Variants in THSD4 observed in about 807,000 individuals in gnomAD.
THSD4 encodes thrombospondin type 1 domain containing 4.
In THSD4, 69 loss-of-function variants were observed where a neutral mutation model predicts 119.0. The observed-to-expected ratio is 0.58, with a 90% CI of 0.48 to 0.71. The LOEUF is 0.71. Ranked by LOEUF, THSD4 falls within the 30% of genes least tolerant of loss-of-function variation. The probability of loss-of-function intolerance (pLI) is 0.00; values close to 1 mark genes in which losing one functional copy is unlikely to be tolerated. For missense variants in THSD4, 1,393 were observed against 1,391.1 expected, an observed-to-expected ratio of 1.00 and a Z score of -0.02; for synonymous variants, 524 against 540.4, an observed-to-expected ratio of 0.97 and a Z score of 0.42.
chr15:71,718,856 T>C (rs1356161261), intron 8 of THSD4, among the ~76,000 whole-genome samples: 4 of 152,218 alleles, frequency 2.6e-5, no homozygotes, highest in Non-Finnish European at 5.9e-5. Flanking sequence ...CTGCATCTCG[T>C]GGAAATTTTA....
chr15:71,511,075 G>A (rs940108833), intron 7 of THSD4, among the ~76,000 whole-genome samples: 1 of 151,774 alleles, frequency 6.6e-6, no homozygotes, highest in Non-Finnish European at 1.5e-5. Flanking sequence ...GGAGAAGTCT[G>A]AGTACAGAGC....
intron 7 of THSD4, among the ~76,000 whole-genome samples, chr15:71,531,577 G>T (rs965965607): frequency 1.3e-5 from 2 of 152,234 alleles, no homozygotes; most frequent in Non-Finnish European, 2.9e-5. Flanking sequence ...CTGCAGACTT[G>T]TCATGTGATC....
chr15:71,466,072 G>A (rs776140174), intron 7 of THSD4, among the ~76,000 whole-genome samples: 22 of 152,124 alleles, frequency 1.4e-4, no homozygotes, highest in East Asian at 5.8e-4. Context: ...AATAGAGGCC[G>A]GGCGCAGTGG....
intron 7 of THSD4, among the ~76,000 whole-genome samples, chr15:71,451,343 G>C (rs1416696119): frequency 6.6e-6 from 1 of 152,190 alleles, no homozygotes; most frequent in Non-Finnish European, 1.5e-5. Context: ...TGATTGTCTG[G>C]ACTGGGATCA....
intron 2 of THSD4, among the ~76,000 whole-genome samples, chr15:71,142,914 A>G (rs901172379): frequency 6.6e-6 from 1 of 152,232 alleles, no homozygotes; most frequent in Non-Finnish European, 1.5e-5. Context: ...ATTACATATG[A>G]TGGTGCCACA....
chr15:71,745,374 T>C, intron 12 of THSD4, 139 bp downstream of exon 12: 1 of 1,172,872 alleles, frequency 8.5e-7, no homozygotes, highest in East Asian at 2.7e-5. Flanking sequence ...AAATGCAGTC[T>C]GTTTAGCAGG....
chr15:71,392,958 T>C (rs2046395952), intron 6 of THSD4, among the ~76,000 whole-genome samples: 1 of 152,214 alleles, frequency 6.6e-6, no homozygotes, highest in Admixed American at 6.5e-5. Flanking sequence ...AGCGCTTCCT[T>C]TGAGAGGGAG....
At chr15:71,180,810 C>T (rs1444521179) in intron 3 of THSD4, among the ~76,000 whole-genome samples, 1 of 151,966 alleles carries the variant, frequency 6.6e-6, no homozygotes, top group Non-Finnish European at 1.5e-5. Flanking sequence ...AGGGAACCTT[C>T]CAGGGTGTTG....
intron 4 of THSD4, among the ~76,000 whole-genome samples, chr15:71,233,719 C>A (rs1239902204): frequency 6.6e-6 from 1 of 152,206 alleles, no homozygotes; most frequent in Non-Finnish European, 1.5e-5. Context: ...CAATTTACAA[C>A]CACCACTCAG....
At chr15:71,707,184 G>A (rs2052408447) in intron 8 of THSD4, among the ~76,000 whole-genome samples, 1 of 152,070 alleles carries the variant, frequency 6.6e-6, no homozygotes, top group South Asian at 2.1e-4. Flanking sequence ...CTCCAACCTT[G>A]GGAGAAACCC....
intron 8 of THSD4, among the ~76,000 whole-genome samples, chr15:71,722,796 G>C (rs2052747356): frequency 6.6e-6 from 1 of 152,134 alleles, no homozygotes; most frequent in Admixed American, 6.5e-5. Context: ...CCCAGTTCCT[G>C]TCCCAAATGT....
intron 6 of THSD4, among the ~76,000 whole-genome samples, chr15:71,300,809 G>C (rs1205422948): frequency 5.9e-5 from 9 of 152,194 alleles, no homozygotes; most frequent in Admixed American, 2.0e-4. Context: ...TAAATGCATT[G>C]TGCTGGCAAG....
intron 7 of THSD4, among the ~76,000 whole-genome samples, chr15:71,637,180 C>T (rs12903736): frequency 0.58 from 88,911 of 152,026 alleles, 26,716 homozygotes; most frequent in Middle Eastern, 0.65. Context: ...AGCCACAGTG[C>T]CCAGCCTCAA....
chr15:71,660,558 C>T lies in THSD4; in HGVS notation c.1181C>T (p.Ser394Phe). 1 of 1,614,112 alleles carries T rather than the reference C, an allele frequency of 6.2e-7. No homozygotes were observed. Among genetic ancestry groups the T allele is most frequent in the Middle Eastern group, 1.7e-4 (1 of 6,060 alleles). The change falls in exon 8 of 18, where the codon TCC becomes TTC. Residue 394 changes from serine (S) to phenylalanine (F), a missense_variant. Coordinates refer to ENST00000261862, the MANE Select transcript of THSD4 (RefSeq NM_024817.3). ...ATTGGCTGTGATGACTACTTAGGCT[C>T]CGACAAAGTCGTGGACAAATGTGGG... is the stretch of plus-strand genomic sequence containing the variant. ...KSIGCDDYLG[S>F]DKVVDKCGVC...
At position 71,199,459 on chromosome 15, in the gene THSD4, GGGTGTGTGTGTGT is replaced by G. The variant is rs771385874; in HGVS notation, c.100-15560_100-15548del. 7.2e-3 allele frequency among the ~76,000 whole-genome samples: 987 copies of G among 137,980 alleles called. 11 individuals carry two copies. Among genetic ancestry groups the G allele is most frequent in the African/African-American group, 0.023 (871 of 37,114 alleles). The allele number at this position is 137,980 out of a possible 152,430, so 90.5% of individuals were successfully genotyped here. On this transcript the variant is annotated intron_variant, in intron 3 of 17. Coordinates refer to ENST00000261862, the MANE Select transcript of THSD4 (RefSeq NM_024817.3). Reference sequence around the variant, plus strand: ...GATAACTGTGTGTGTGTGTGGGGGGGGGTGTGTGTGTGTGGTGTGTGTGTGTGGGGTGTGTGTG... The same window carrying G: ...GATAACTGTGTGTGTGTGTGGGGGGGGGTGTGTGTGTGTGGGGTGTGTGTG...
rs763405298 is a variant in THSD4 at position 71,442,967 on chromosome 15, C to T, written c.1152+31144C>T. 2.0e-5 allele frequency among the ~76,000 whole-genome samples: 3 copies of T among 151,508 alleles called. 1 individual carries two copies. The East Asian group carries it at 5.9e-4, about 30-fold the overall frequency. On this transcript the variant is annotated intron_variant, in intron 7 of 17. Transcript: ENST00000261862. The stretch of plus-strand genomic sequence containing the variant: ...TGCTAGACTGTTTATGCATCGAACC[C>T]TCCGATAAACCATGAGCCCCTTGAG...
chr15:71,383,792 A>C (rs889600447), intron 6 of THSD4, among the ~76,000 whole-genome samples: 1 of 152,236 alleles, frequency 6.6e-6, no homozygotes, highest in Non-Finnish European at 1.5e-5. Flanking sequence ...ACAGGATAAC[A>C]ATCATTTACA....
At chr15:71,452,474 A>G (rs1372428450) in intron 7 of THSD4, among the ~76,000 whole-genome samples, 2 of 151,384 alleles carry the variant, frequency 1.3e-5, no homozygotes, top group Non-Finnish European at 2.9e-5. Flanking sequence ...CTCAGCTCTC[A>G]AAGGGATTAA....
At position 71,650,403 on chromosome 15, in the gene THSD4, C is replaced by T. The variant is rs141818259; in HGVS notation, c.1153-10127C>T. 3.3e-4 allele frequency among the ~76,000 whole-genome samples: 50 copies of T among 152,270 alleles called. No homozygotes were observed. In the East Asian group the frequency reaches 5.8e-3, roughly 18 times the overall value. The stretch of plus-strand genomic sequence containing the variant: ...ATTCTGATTCAGTAGCCCTGGGAAG[C>T]GGTGCAAGACTTCTAAAATGCCCCA... On this transcript the variant is annotated intron_variant, in intron 7 of 17. Coordinates refer to ENST00000261862, the MANE Select transcript of THSD4 (RefSeq NM_024817.3).
Sources: allele counts gnomAD v4.1 joint callset (sites outside exome capture counted in the v4.1 genomes callset), GRCh38; gene constraint gnomAD v4.1.1; transcripts MANE v1.5; gene names NCBI Gene and HGNC (gene_info 2026-07-23, HGNC 2026-07-21).